The following ZFAND3 variants were observed in gnomAD, a reference collection of about 807,000 sequenced individuals.
ZFAND3 encodes AN1-type zinc finger protein 3.
In ZFAND3, 10 loss-of-function variants were observed where a neutral mutation model predicts 29.6. The observed-to-expected ratio is 0.34, with a 90% CI of 0.21 to 0.57. The LOEUF (loss-of-function observed/expected upper bound fraction) is 0.57, where lower values mean the gene tolerates loss of function less well. Among genes scored for constraint, ZFAND3 ranks in the 20% least tolerant of loss-of-function variants. The probability of loss-of-function intolerance (pLI) is 0.86; values close to 1 mark genes in which losing one functional copy is unlikely to be tolerated. For missense variants in ZFAND3, 230 were observed against 304.5 expected, an observed-to-expected ratio of 0.76 and a Z score of 1.82; for synonymous variants, 128 against 112.6, an observed-to-expected ratio of 1.14 and a Z score of -0.87.
At chr6:37,952,547 C>T (rs149286197) in intron 2 of ZFAND3, among the ~76,000 whole-genome samples, 7 of 151,910 alleles carry the variant, frequency 4.6e-5, no homozygotes, top group East Asian at 1.9e-4. Context: ...TGAGGTCAGT[C>T]GTAATATCCT....
At chr6:38,079,050 C>G (rs898847558) in intron 3 of ZFAND3, among the ~76,000 whole-genome samples, 3 of 152,100 alleles carry the variant, frequency 2.0e-5, no homozygotes, top group African/African-American at 7.2e-5. Flanking sequence ...CCCTTAATTT[C>G]CTGCATTGAT....
At chr6:38,016,574 GA>G (rs1763256233) in intron 2 of ZFAND3, among the ~76,000 whole-genome samples, 1 of 152,130 alleles carries the variant, frequency 6.6e-6, no homozygotes, top group East Asian at 1.9e-4. Flanking sequence ...TTTTTAAAAG[GA>G]AAAAGCTCCT....
chr6:37,857,984 G>T (rs1028617075), intron 1 of ZFAND3, among the ~76,000 whole-genome samples: 3 of 151,956 alleles, frequency 2.0e-5, no homozygotes, highest in African/African-American at 7.3e-5. Context: ...ATTCACTCTG[G>T]GTCCTCTTCC....
intron 4 of ZFAND3, among the ~76,000 whole-genome samples, chr6:38,092,321 G>T (rs1403430769): frequency 6.6e-6 from 1 of 152,186 alleles, no homozygotes; most frequent in African/African-American, 2.4e-5. Flanking sequence ...GTAGGAACAT[G>T]CAAAAGAAGT....
At chr6:37,837,506 C>CT (rs34162951) in intron 1 of ZFAND3, among the ~76,000 whole-genome samples, 27,437 of 139,190 alleles carry the variant, frequency 0.2, 3,464 homozygotes, top group African/African-American at 0.36. Flanking sequence ...ATAGATAGTC[C>CT]TTTTTTTTTT....
intron 1 of ZFAND3, among the ~76,000 whole-genome samples, chr6:37,875,771 G>A (rs1008626609): frequency 3.3e-5 from 5 of 151,404 alleles, no homozygotes; most frequent in Non-Finnish European, 5.9e-5. Context: ...TGATCCTCCC[G>A]CCTCAGCCTC....
chr6:38,029,825 C>T (rs1468732502), intron 2 of ZFAND3, among the ~76,000 whole-genome samples: 1 of 152,030 alleles, frequency 6.6e-6, no homozygotes, highest in Non-Finnish European at 1.5e-5. Context: ...TGTATTTTAT[C>T]TTTGCATATG....
chr6:37,870,577 C>T (rs376195672), intron 1 of ZFAND3, among the ~76,000 whole-genome samples: 6 of 133,044 alleles, frequency 4.5e-5, no homozygotes, highest in South Asian at 4.6e-4. Context: ...CCAGCCTTGG[C>T]GACAGAGCAA....
intron 5 of ZFAND3, among the ~76,000 whole-genome samples, chr6:38,135,932 A>ATTTCCT (rs776437219): frequency 1.3e-5 from 2 of 152,142 alleles, no homozygotes; most frequent in Non-Finnish European, 2.9e-5. Context: ...ATAGCTGTGG[A>ATTTCCT]TTTCCTTTTC....
chr6:37,995,715 A>G (rs1321315857), intron 2 of ZFAND3, among the ~76,000 whole-genome samples: 4 of 152,250 alleles, frequency 2.6e-5, no homozygotes, highest in Non-Finnish European at 5.9e-5. Flanking sequence ...TAATGAGCAC[A>G]AAAAGCCCTT....
chr6:37,891,827 C>G (rs1417186820), intron 1 of ZFAND3, among the ~76,000 whole-genome samples: 1 of 152,034 alleles, frequency 6.6e-6, no homozygotes, highest in African/African-American at 2.4e-5. Flanking sequence ...CTCCCAGATT[C>G]AAGCGATTCT....
chr6:37,957,323 TC>T (rs1762101478), intron 2 of ZFAND3, among the ~76,000 whole-genome samples: 1 of 152,104 alleles, frequency 6.6e-6, no homozygotes, highest in African/African-American at 2.4e-5. Flanking sequence ...TTTTTTTTTT[TC>T]ATTGAATTCC....
At chr6:37,899,506 T>G (rs1047983059) in intron 1 of ZFAND3, among the ~76,000 whole-genome samples, 3 of 152,182 alleles carry the variant, frequency 2.0e-5, no homozygotes, top group African/African-American at 4.8e-5. Flanking sequence ...TTTTCTGAGG[T>G]TTCATGAATG....
At chr6:37,860,495 A>C (rs554011092) in intron 1 of ZFAND3, among the ~76,000 whole-genome samples, 2 of 152,134 alleles carry the variant, frequency 1.3e-5, no homozygotes, top group Non-Finnish European at 2.9e-5. Context: ...AGACCTGAGA[A>C]TATCTGTCAA....
In ZFAND3 at chr6:37,830,102, G is replaced by A. The variant is rs146088055; in HGVS notation, c.71+10086G>A. On this transcript the variant is annotated intron_variant, in intron 1 of 5. Coordinates refer to ENST00000287218, the MANE Select transcript of ZFAND3 (RefSeq NM_021943.3). The stretch of plus-strand genomic sequence containing the variant: ...TAAATTAGATTTTTACATTGTGTGT[G>A]TTTTTGGTTGGAGTTAGGGACAGGA... Among the ~76,000 whole-genome samples the A allele has an allele frequency of 5.5e-3, 838 of 152,320 alleles. 11 individuals are homozygous for A. Among genetic ancestry groups the A allele is most frequent in the Non-Finnish European group, 5.3e-3 (363 of 68,026 alleles).
chr6:38,070,235 C>T (rs1180164396), intron 3 of ZFAND3, among the ~76,000 whole-genome samples: 1 of 151,950 alleles, frequency 6.6e-6, no homozygotes, highest in African/African-American at 2.4e-5. Flanking sequence ...CTAACCTGGT[C>T]AACATGGTGA....
intron 2 of ZFAND3, among the ~76,000 whole-genome samples, chr6:37,999,582 C>G (rs1049649205): frequency 2.0e-5 from 3 of 152,192 alleles, no homozygotes; most frequent in Non-Finnish European, 1.5e-5. Context: ...TGATCTTCCT[C>G]CAATCCCATT....
intron 4 of ZFAND3, among the ~76,000 whole-genome samples, chr6:38,102,226 A>C (rs551813746): frequency 6.6e-6 from 1 of 152,170 alleles, no homozygotes; most frequent in South Asian, 2.1e-4. Flanking sequence ...CCCACCCTGA[A>C]AGCTTGCATT....
chr6:38,052,625 G>T (rs1372243678), intron 2 of ZFAND3, among the ~76,000 whole-genome samples: 1 of 152,106 alleles, frequency 6.6e-6, no homozygotes, highest in Admixed American at 6.5e-5. Context: ...CCTTCTATGG[G>T]TAATCTTAAG....
Sources: allele counts gnomAD v4.1 joint callset (sites outside exome capture counted in the v4.1 genomes callset), GRCh38; gene constraint gnomAD v4.1.1; transcripts MANE v1.5; gene names NCBI Gene and HGNC (gene_info 2026-07-23, HGNC 2026-07-21).